The following JCAD variants were observed in gnomAD, a reference collection of about 807,000 sequenced individuals.
The protein encoded by JCAD is junctional cadherin 5-associated protein.
Under a neutral mutation model 98.0 loss-of-function variants are expected in JCAD, and 40 were observed. The ratio of observed to expected loss-of-function variants is 0.41; its 90% CI spans 0.32 to 0.53. The LOEUF (loss-of-function observed/expected upper bound fraction) is 0.53. Among genes scored for constraint, JCAD ranks in the 20% least tolerant of loss-of-function variants. JCAD has a pLI of 0.31. For synonymous variants in JCAD, 691 were observed against 682.3 expected (o/e 1.01, Z -0.20); for missense variants, 1,705 against 1,738.1 (o/e 0.98, Z 0.34).
At chr10:30,031,438 A>AC (rs1836987351) in intron 2 of JCAD, among the ~76,000 whole-genome samples, 1 of 97,082 alleles carries the variant, frequency 1.0e-5, no homozygotes, top group South Asian at 3.5e-4. Flanking sequence ...GCCCATCTGT[A>AC]TTTTTTTTTT....
chr10:30,056,690 C>G (rs563408852), intron 1 of JCAD, among the ~76,000 whole-genome samples: 1 of 152,224 alleles, frequency 6.6e-6, no homozygotes, highest in African/African-American at 2.4e-5. Context: ...ATCTGCCAGC[C>G]TATTGATTTA....
chr10:30,069,011 T>G (rs1306904647), intron 2 of JCAD, among the ~76,000 whole-genome samples: 5 of 152,260 alleles, frequency 3.3e-5, no homozygotes. Context: ...ATAGGGCAAC[T>G]GTGAGTAACT....
At chr10:30,095,741 C>T (rs1357858633) in intron 1 of JCAD, among the ~76,000 whole-genome samples, 1 of 152,190 alleles carries the variant, frequency 6.6e-6, no homozygotes, top group African/African-American at 2.4e-5. Context: ...GAGAGATGCT[C>T]AGGAGATATT....
At chr10:30,056,845 C>G (rs1837579890) in intron 1 of JCAD, among the ~76,000 whole-genome samples, 1 of 152,132 alleles carries the variant, frequency 6.6e-6, no homozygotes, top group Non-Finnish European at 1.5e-5. Flanking sequence ...CTGTATTTTT[C>G]TAAACACCAT....
intron 1 of JCAD, among the ~76,000 whole-genome samples, chr10:30,092,098 T>A (rs1412273771): frequency 3.8e-4 from 17 of 44,572 alleles, no homozygotes; most frequent in African/African-American, 9.5e-4. Flanking sequence ...TAAAGTTACT[T>A]TATATATATA....
chr10:30,054,891 G>C (rs1483462720), intron 1 of JCAD, among the ~76,000 whole-genome samples: 1 of 151,970 alleles, frequency 6.6e-6, no homozygotes, highest in East Asian at 1.9e-4. Flanking sequence ...GGATGGTCTC[G>C]ATCTCCTGAC....
At chr10:30,113,273 G>A (rs575013326) in intron 1 of JCAD, among the ~76,000 whole-genome samples, 165 of 152,072 alleles carry the variant, frequency 1.1e-3, no homozygotes, top group Middle Eastern at 3.4e-3. Flanking sequence ...TCCCAGAGCC[G>A]GGTGCAGTGG....
chr10:30,052,030 A>C (rs996035509), intron 1 of JCAD, among the ~76,000 whole-genome samples: 3 of 152,208 alleles, frequency 2.0e-5, no homozygotes, highest in Non-Finnish European at 4.4e-5. Flanking sequence ...CTTCCAAAGA[A>C]CCTGAATAAG....
At chr10:30,036,610 C>T (rs2505133) in intron 2 of JCAD, among the ~76,000 whole-genome samples, 4,482 of 152,248 alleles carry the variant, frequency 0.029, 99 homozygotes, top group Non-Finnish European at 0.043. Context: ...CCCAGGAGCA[C>T]GGGATAGATG....
At chr10:30,110,054 T>C (rs1022923737) in intron 1 of JCAD, among the ~76,000 whole-genome samples, 1 of 151,638 alleles carries the variant, frequency 6.6e-6, no homozygotes, top group Admixed American at 6.6e-5. Flanking sequence ...GACCCCCCAA[T>C]ATATGGACCA....
At chr10:30,032,358 C>T (rs7903464) in intron 2 of JCAD, among the ~76,000 whole-genome samples, 8 of 152,190 alleles carry the variant, frequency 5.3e-5, no homozygotes, top group African/African-American at 1.2e-4. Flanking sequence ...CTCTAGCATG[C>T]GGGGAGAGTT....
At chr10:30,030,444 GA>G (rs1312836181) in intron 2 of JCAD, among the ~76,000 whole-genome samples, 1 of 150,628 alleles carries the variant, frequency 6.6e-6, no homozygotes, top group South Asian at 2.1e-4. Context: ...GCCTCATAAG[GA>G]AAAAAAAATG....
intron 1 of JCAD, among the ~76,000 whole-genome samples, chr10:30,107,557 C>T (rs191272327): frequency 6.6e-6 from 1 of 152,200 alleles, no homozygotes; most frequent in African/African-American, 2.4e-5. Context: ...AGCAAATAAT[C>T]AAGAGGTAAC....
At position 30,015,135 on chromosome 10, in the gene JCAD, A is replaced by G. The variant is rs565387934; in HGVS notation, c.*2748T>C. 7 of 152,356 alleles carry G rather than the reference A, an allele frequency of 4.6e-5. No individual in the cohort carries two copies. The East Asian group carries it at 1.3e-3, about 29-fold the overall frequency. 9.4% of individuals were successfully genotyped at this position (152,356 alleles called of 1,614,324 possible). On this transcript the variant is annotated 3_prime_UTR_variant, in exon 4 of 4. Transcript: ENST00000375377. ...CTTCTTTTGCAAATCAAGAAATACT[A>G]ATCCATTGCATATGTAATCCCTCAT... is the stretch of plus-strand genomic sequence containing the variant.
chr10:30,056,946 C>G (rs945877428), intron 1 of JCAD, among the ~76,000 whole-genome samples: 1 of 152,188 alleles, frequency 6.6e-6, no homozygotes, highest in East Asian at 1.9e-4. Flanking sequence ...TTCCTTCCAT[C>G]AGCAGGCCCT....
chr10:30,092,428 C>T (rs962134721), intron 1 of JCAD, among the ~76,000 whole-genome samples: 3 of 151,926 alleles, frequency 2.0e-5, no homozygotes, highest in Admixed American at 6.6e-5. Context: ...GTTGTCAAAA[C>T]CATCACAACC....
intron 2 of JCAD, among the ~76,000 whole-genome samples, chr10:30,040,540 C>T (rs1837222034): frequency 6.6e-6 from 1 of 152,210 alleles, no homozygotes; most frequent in Non-Finnish European, 1.5e-5. Context: ...TTTACTTATT[C>T]ATTTATTCAA....
chr10:30,107,019 GA>G (rs1434983430), intron 1 of JCAD, among the ~76,000 whole-genome samples: 8 of 152,320 alleles, frequency 5.3e-5, no homozygotes, highest in Non-Finnish European at 8.8e-5. Flanking sequence ...TGGCAGTCCT[GA>G]TTCTTTATTA....
intron 1 of JCAD, among the ~76,000 whole-genome samples, chr10:30,101,720 TG>T (rs1037291568): frequency 2.0e-4 from 31 of 152,122 alleles, no homozygotes; most frequent in Admixed American, 1.8e-3. Context: ...TTCAGGTGGT[TG>T]GGGGGCTTGG....
Sources: gnomAD v4.1 joint callset for allele counts (sites outside exome capture counted in the v4.1 genomes callset) on GRCh38, gnomAD v4.1.1 for gene constraint, MANE v1.5 for transcripts, NCBI Gene and HGNC (gene_info 2026-07-23, HGNC 2026-07-21) for gene names.